The following PLCB1 variants were observed in gnomAD, a reference collection of about 807,000 sequenced individuals.
PLCB1 encodes the protein 1-phosphatidylinositol 4,5-bisphosphate phosphodiesterase beta-1.
In PLCB1, 46 loss-of-function variants were observed where a neutral mutation model predicts 161.8. The observed-to-expected ratio is 0.28, with a 90% CI of 0.22 to 0.36. PLCB1 has a LOEUF of 0.36. PLCB1 is among the 10% of genes least tolerant of loss of function. PLCB1 has a pLI of 1.00. For missense variants in PLCB1, 1,016 were observed against 1,472.5 expected (o/e 0.69, Z 5.07); for synonymous variants, 517 against 503.7 (o/e 1.03, Z -0.35).
intron 3 of PLCB1, among the ~76,000 whole-genome samples, chr20:8,541,657 G>A (rs1985338705): frequency 6.6e-6 from 1 of 151,826 alleles, no homozygotes; most frequent in Non-Finnish European, 1.5e-5. Context: ...ATGTATGAGA[G>A]TTCATCAGAT....
At chr20:8,752,792 C>CAA (rs1327859746) in intron 23 of PLCB1, among the ~76,000 whole-genome samples, 44 of 87,322 alleles carry the variant, frequency 5.0e-4, no homozygotes, top group East Asian at 1.6e-3. Flanking sequence ...GACTCCATCT[C>CAA]AAAAAAAAAA....
chr20:8,532,746 G>C (rs951705059), intron 3 of PLCB1, among the ~76,000 whole-genome samples: 1 of 152,118 alleles, frequency 6.6e-6, no homozygotes, highest in Non-Finnish European at 1.5e-5. Flanking sequence ...CAGTGAGAGG[G>C]AGGAAGAAGA....
chr20:8,826,495 C>CAAAAAA (rs5840291), intron 31 of PLCB1, among the ~76,000 whole-genome samples: 2 of 123,058 alleles, frequency 1.6e-5, no homozygotes, highest in Non-Finnish European at 1.7e-5. Context: ...GACTCCGTCT[C>CAAAAAA]AAAAAAAAAA....
rs181883422 is a variant in PLCB1, at chr20:8,670,678, A to G, written c.862+11974A>G. On this transcript the variant is annotated intron_variant, in intron 9 of 31. Transcript: ENST00000338037. ...TTAGGGGAAAAATGGTAAAATAATG[A>G]AAGAAGCCAGTGAAGTTCATGTAAT... Among the ~76,000 whole-genome samples the G allele has an allele frequency of 2.0e-3, 308 of 152,364 alleles. 1 individual carries two copies. Among genetic ancestry groups the G allele is most frequent in the African/African-American group, 7.2e-3 (298 of 41,584 alleles).
At chr20:8,827,838 A>G (rs4816092) in intron 31 of PLCB1, among the ~76,000 whole-genome samples, 97,935 of 152,052 alleles carry the variant, frequency 0.64, 31,899 homozygotes, top group East Asian at 0.77. Flanking sequence ...TCAAATTCTA[A>G]TGTCCTCAAA....
rs768505885 is a variant in PLCB1, at chr20:8,132,619, C to T, written c.-33C>T. The T allele has an allele frequency of 6.6e-6, 10 of 1,525,588 alleles. No individual in the cohort carries two copies. Among genetic ancestry groups the T allele is most frequent in the African/African-American group, 4.2e-5 (3 of 71,324 alleles). 94.5% of individuals were successfully genotyped at this position (1,525,588 alleles called of 1,614,324 possible). On this transcript the variant is annotated 5_prime_UTR_variant, in exon 1 of 32. Coordinates refer to ENST00000338037, the MANE Select transcript of PLCB1 (RefSeq NM_015192.4). The surrounding 1 kb of genome is among the most constrained non-coding windows in gnomAD (Gnocchi z 5.2). ...CACGGTCCCCAGTCCCTGCCGCGCTCGCCCGGGCCGCCCGGAGCCCAGATG... is the reference window on the plus strand; with the variant it reads ...CACGGTCCCCAGTCCCTGCCGCGCTTGCCCGGGCCGCCCGGAGCCCAGATG...
At chr20:8,493,814 T>C (rs1458255732) in intron 3 of PLCB1, among the ~76,000 whole-genome samples, 1 of 114,630 alleles carries the variant, frequency 8.7e-6, no homozygotes, top group Non-Finnish European at 1.8e-5. Flanking sequence ...CCTCAGGTAG[T>C]AGCCCTTACC....
At position 8,420,378 on chromosome 20, in the gene PLCB1, A is replaced by G. The variant is rs1979488221; in HGVS notation, c.246+48928A>G. Among the ~76,000 whole-genome samples, 3 of 152,322 alleles carry G rather than the reference A, an allele frequency of 2.0e-5. No individual in the cohort carries two copies. The South Asian group carries it at 6.2e-4, about 32-fold the overall frequency. On this transcript the variant is annotated intron_variant, in intron 3 of 31. Transcript: ENST00000338037. Reference sequence around the variant, plus strand: ...TTCAGGATTATTTGAAACTATAAATACATATATTTTTTAAAATTCTTGGAT... The same window carrying G: ...TTCAGGATTATTTGAAACTATAAATGCATATATTTTTTAAAATTCTTGGAT...
At position 8,737,424 on chromosome 20, in the gene PLCB1, G is replaced by A. The variant is rs73601574; in HGVS notation, c.2208+232G>A. On this transcript the variant is annotated intron_variant, in intron 20 of 31. Transcript: ENST00000338037. ...TCATTCTAGTATGCCTCAAATGGAC[G>A]GCCATAAAAACATATACATTTAACT... Among the ~76,000 whole-genome samples the A allele has an allele frequency of 2.9e-3, 448 of 151,944 alleles. 3 individuals carry two copies. Among genetic ancestry groups the A allele is most frequent in the African/African-American group, 0.01 (416 of 41,406 alleles).
At chr20:8,587,591 A>G (rs1197888179) in intron 3 of PLCB1, among the ~76,000 whole-genome samples, 1 of 152,200 alleles carries the variant, frequency 6.6e-6, no homozygotes, top group Non-Finnish European at 1.5e-5. Flanking sequence ...TCTATTGTCA[A>G]GAATATTTAT....
chr20:8,280,522 A>G (rs1287580015), intron 2 of PLCB1, among the ~76,000 whole-genome samples: 1 of 152,136 alleles, frequency 6.6e-6, no homozygotes, highest in Non-Finnish European at 1.5e-5. Context: ...TAAACTACAA[A>G]ATGACCTGGA....
intron 12 of PLCB1, among the ~76,000 whole-genome samples, chr20:8,713,992 C>T (rs1177816399): frequency 1.3e-5 from 2 of 152,068 alleles, no homozygotes; most frequent in Non-Finnish European, 1.5e-5. Flanking sequence ...GAGAGCAGGG[C>T]ATTCAGGTAA....
intron 2 of PLCB1, among the ~76,000 whole-genome samples, chr20:8,300,491 T>C (rs1264036108): frequency 1.3e-5 from 2 of 152,084 alleles, no homozygotes; most frequent in Non-Finnish European, 2.9e-5. Context: ...ATTTATACTC[T>C]CTCACAGCAC....
chr20:8,324,188 A>G (rs1464208571), intron 2 of PLCB1, among the ~76,000 whole-genome samples: 2 of 146,188 alleles, frequency 1.4e-5, no homozygotes, highest in Non-Finnish European at 3.0e-5. Context: ...CACAGTCTCT[A>G]AACTGGTAGG....
rs1330912213 is a variant in PLCB1 at position 8,452,628 on chromosome 20, G to A, written c.246+81178G>A. ...GATTTGTGTGCTAGAATAGAGCCAG[G>A]TTGTACAGAAAGGTTCTATTAATAG... On this transcript the variant is annotated intron_variant, in intron 3 of 31. Coordinates refer to ENST00000338037, the MANE Select transcript of PLCB1 (RefSeq NM_015192.4). Among the ~76,000 whole-genome samples the A allele has an allele frequency of 3.3e-5, 5 of 152,316 alleles. No individual in the cohort carries two copies. The East Asian group carries it at 7.7e-4, about 23-fold the overall frequency.
At chr20:8,668,415 A>G (rs927258019) in intron 9 of PLCB1, among the ~76,000 whole-genome samples, 1 of 152,202 alleles carries the variant, frequency 6.6e-6, no homozygotes, top group South Asian at 2.1e-4. Flanking sequence ...ATTGAGAATG[A>G]TGGACAAAAT....
intron 2 of PLCB1, among the ~76,000 whole-genome samples, chr20:8,155,819 TATTTG>T (rs1445244379): frequency 1.3e-5 from 2 of 152,228 alleles, no homozygotes; most frequent in Non-Finnish European, 2.9e-5. Context: ...CTATTTATTT[TATTTG>T]GTAGCTTTCT....
At chr20:8,623,048 C>A (rs931120375) in intron 3 of PLCB1, among the ~76,000 whole-genome samples, 9 of 152,104 alleles carry the variant, frequency 5.9e-5, no homozygotes, top group African/African-American at 1.9e-4. Flanking sequence ...GGTCAGCCTG[C>A]CTGAATGCCC....
At chr20:8,757,869 A>G (rs202053201) in intron 24 of PLCB1, among the ~76,000 whole-genome samples, 8 of 19,762 alleles carry the variant, frequency 4.0e-4, no homozygotes, top group Admixed American at 2.4e-3. Context: ...ATAAATGAAT[A>G]AATAAATAAA....
Sources: gnomAD v4.1 joint callset for allele counts (sites outside exome capture counted in the v4.1 genomes callset) on GRCh38, gnomAD v4.1.1 for gene constraint, Gnocchi (gnomAD v3.1) non-coding constraint, MANE v1.5 for transcripts, NCBI Gene and HGNC (gene_info 2026-07-23, HGNC 2026-07-21) for gene names.